The following PCDHGA5 variants were observed in gnomAD, a reference collection of about 807,000 sequenced individuals.
PCDHGA5 encodes protocadherin gamma-A5.
In PCDHGA5, 36 loss-of-function variants were observed where a neutral mutation model predicts 56.7. The ratio of observed to expected loss-of-function variants is 0.64; its 90% CI spans 0.49 to 0.84. The LOEUF is 0.84. Among genes scored for constraint, PCDHGA5 ranks in the 40% least tolerant of loss-of-function variants. PCDHGA5 has a pLI of 0.00. For missense variants in PCDHGA5, 1,305 were observed against 1,201.5 expected, an observed-to-expected ratio of 1.09 and a Z score of -1.27; for synonymous variants, 563 against 520.2, an observed-to-expected ratio of 1.08 and a Z score of -1.12.
At position 141,491,049 on chromosome 5, in the gene PCDHGA5, G is replaced by C; in HGVS notation, c.2422-3758G>C. The C allele has an allele frequency of 1.2e-6, 2 of 1,614,116 alleles. No homozygotes were observed. Among genetic ancestry groups the C allele is most frequent in the Admixed American group, 3.3e-5 (2 of 60,024 alleles). On this transcript the variant is annotated intron_variant, in intron 1 of 3. Transcript: ENST00000518069. This position sits in a 1 kb window ranked among gnomAD's most constrained non-coding sequence, Gnocchi z 6.9. ...TGGATGCTGATGCAGGCCACAATGC[G>C]TGGCTCTCCTACTCACTGTTGCCAC...
In PCDHGA5 at chr5:141,393,995, A is replaced by C. The variant is rs201832611; in HGVS notation, c.2421+27244A>C. On this transcript the variant is annotated intron_variant, in intron 1 of 3. Coordinates refer to ENST00000518069, the MANE Select transcript of PCDHGA5 (RefSeq NM_018918.3). ...CACGTGATAATTTACCTTTTAAATT[A>C]GAAAAGTCAATAGGTAATTATTATA... is the stretch of plus-strand genomic sequence containing the variant. The C allele has an allele frequency of 8.1e-6, 13 of 1,613,430 alleles. No homozygotes were observed. Among genetic ancestry groups the C allele is most frequent in the Non-Finnish European group, 1.1e-5 (13 of 1,179,634 alleles).
At chr5:141,507,474 C>T (rs774159694) in intron 3 of PCDHGA5, among the ~76,000 whole-genome samples, 2 of 152,196 alleles carry the variant, frequency 1.3e-5, no homozygotes, top group Non-Finnish European at 2.9e-5. Flanking sequence ...GCAGGGACTG[C>T]TGGCCTCCTG....
At chr5:141,419,762 A>G in intron 1 of PCDHGA5, 1 of 1,614,008 alleles carries the variant, frequency 6.2e-7, no homozygotes, top group Non-Finnish European at 8.5e-7. Context: ...TTTGGGTGAC[A>G]AGGACTCGGT....
chr5:141,441,865 G>T, intron 1 of PCDHGA5: 1 of 345,726 alleles, frequency 2.9e-6, no homozygotes. Context: ...GCACGCCGCG[G>T]AGCCTGGCTA....
At chr5:141,408,458 G>T (rs760881860) in intron 1 of PCDHGA5, 4 of 1,614,066 alleles carry the variant, frequency 2.5e-6, no homozygotes, top group South Asian at 2.2e-5. Flanking sequence ...GGACTTACTT[G>T]TGAAGAACCG....
intron 1 of PCDHGA5, among the ~76,000 whole-genome samples, chr5:141,488,289 TAAGTGAA>T (rs1389982829): frequency 6.6e-6 from 1 of 152,186 alleles, no homozygotes; most frequent in Non-Finnish European, 1.5e-5. Context: ...GAAAAAACAG[TAAGTGAA>T]ATCACTTATG....
At chr5:141,430,716 G>T (rs1327065498) in intron 1 of PCDHGA5, 2 of 1,487,962 alleles carry the variant, frequency 1.3e-6, no homozygotes, top group African/African-American at 2.8e-5. Context: ...CCTGACTTCA[G>T]TGGTTAAGGG....
intron 1 of PCDHGA5, among the ~76,000 whole-genome samples, chr5:141,463,570 T>A (rs557041487): frequency 2.7e-5 from 4 of 146,586 alleles, no homozygotes; most frequent in Middle Eastern, 3.5e-3. Context: ...TGCCTCAGCC[T>A]CCCGAGTAGC....
At chr5:141,506,382 G>T (rs1311307230) in intron 3 of PCDHGA5, among the ~76,000 whole-genome samples, 1 of 151,500 alleles carries the variant, frequency 6.6e-6, no homozygotes, top group East Asian at 1.9e-4. Flanking sequence ...CTGGGAGGTG[G>T]CTGTGGTGAG....
At position 141,376,756 on chromosome 5, in the gene PCDHGA5, G is replaced by C. The variant is rs1049941497; in HGVS notation, c.2421+10005G>C. The stretch of plus-strand genomic sequence containing the variant: ...CTGCGGACTGCAGTGGCGCAATCTC[G>C]GCTCACTGCAAGCTCCGCTTCCCGG... On this transcript the variant is annotated intron_variant, in intron 1 of 3. Transcript: ENST00000518069. 3.1e-5 allele frequency: 14 copies of C among 448,188 alleles called. No individual in the cohort carries two copies. The Admixed American group carries it at 4.2e-4, about 14-fold the overall frequency. The allele number at this position is 448,188 out of a possible 1,614,324, so 27.8% of individuals were successfully genotyped here. A position where few individuals can be genotyped will look rare whatever the true frequency, so the allele number is the denominator to read the frequency against.
chr5:141,502,884 A>T (rs2099816871), intron 2 of PCDHGA5, among the ~76,000 whole-genome samples: 1 of 36,804 alleles, frequency 2.7e-5, no homozygotes, highest in African/African-American at 3.5e-4. Context: ...TTTTTTTGAC[A>T]GGGAGTCTAG....
At position 141,408,449 on chromosome 5, in the gene PCDHGA5, G is replaced by C. The variant is rs1561713163; in HGVS notation, c.2421+41698G>C. On this transcript the variant is annotated intron_variant, in intron 1 of 3. Coordinates refer to ENST00000518069, the MANE Select transcript of PCDHGA5 (RefSeq NM_018918.3). Reference sequence around the variant, plus strand: ...CTTCAGCGTAGACGCGGAGAGCGGGGACTTACTTGTGAAGAACCGAATAGA... The same window carrying C: ...CTTCAGCGTAGACGCGGAGAGCGGGCACTTACTTGTGAAGAACCGAATAGA... The C allele has an allele frequency of 1.9e-6, 3 of 1,613,966 alleles. No individual in the cohort carries two copies. In the Admixed American group the frequency reaches 5.0e-5, roughly 27 times the overall value.
chr5:141,403,049 T>A, intron 1 of PCDHGA5: 1 of 1,614,056 alleles, frequency 6.2e-7, no homozygotes, highest in Non-Finnish European at 8.5e-7. Context: ...TCAGATTCGC[T>A]ACTCAGTGCC....
At chr5:141,435,362 C>A (rs2097758711) in intron 1 of PCDHGA5, among the ~76,000 whole-genome samples, 1 of 152,120 alleles carries the variant, frequency 6.6e-6, no homozygotes, top group Admixed American at 6.6e-5. Flanking sequence ...AAAATTTTAT[C>A]ACTTAAATAT....
chr5:141,463,535 G>A (rs1178825067), intron 1 of PCDHGA5, among the ~76,000 whole-genome samples: 4 of 137,928 alleles, frequency 2.9e-5, no homozygotes, highest in East Asian at 2.3e-4. Context: ...TAGAAACTCC[G>A]GCTCCCGGGT....
At chr5:141,400,217 T>A (rs771117256) in intron 1 of PCDHGA5, 1 of 1,613,916 alleles carries the variant, frequency 6.2e-7, no homozygotes, top group Non-Finnish European at 8.5e-7. Flanking sequence ...TTGATCTCAG[T>A]GCTCTTCCTC....
chr5:141,394,312 C>G (rs903124736), intron 1 of PCDHGA5: 3 of 1,613,908 alleles, frequency 1.9e-6, no homozygotes, highest in African/African-American at 1.3e-5. Context: ...CAGGGGGCGC[C>G]CCTGTCCTCG....
intron 1 of PCDHGA5, chr5:141,400,506 G>A (rs771674964): frequency 3.7e-6 from 6 of 1,613,830 alleles, no homozygotes; most frequent in Non-Finnish European, 5.1e-6. Context: ...CCAGCGAGTC[G>A]ACTTCCCATC....
At chr5:141,481,318 A>C (rs758947998) in intron 1 of PCDHGA5, among the ~76,000 whole-genome samples, 6 of 152,216 alleles carry the variant, frequency 3.9e-5, no homozygotes, top group Non-Finnish European at 8.8e-5. Context: ...TTCCTAAAGC[A>C]CTAGCCCCTG....
Sources: allele counts gnomAD v4.1 joint callset (sites outside exome capture counted in the v4.1 genomes callset), GRCh38; gene constraint gnomAD v4.1.1; non-coding constraint Gnocchi (gnomAD v3.1); transcripts MANE v1.5; gene names NCBI Gene and HGNC (gene_info 2026-07-23, HGNC 2026-07-21).